The following CDK14 variants were observed in gnomAD, a reference collection of about 807,000 sequenced individuals.
CDK14 encodes cyclin-dependent kinase 14.
Under a neutral mutation model 60.7 loss-of-function variants are expected in CDK14, and 34 were observed. The ratio of observed to expected loss-of-function variants is 0.56; its 90% CI spans 0.43 to 0.75. The LOEUF (loss-of-function observed/expected upper bound fraction) is 0.75, where lower values mean the gene tolerates loss of function less well. Ranked by LOEUF, CDK14 falls within the 30% of genes least tolerant of loss-of-function variation. CDK14 has a pLI of 0.00. For missense variants in CDK14, 482 were observed against 564.1 expected, an observed-to-expected ratio of 0.85 and a Z score of 1.47; for synonymous variants, 197 against 203.7, an observed-to-expected ratio of 0.97 and a Z score of 0.28.
intron 8 of CDK14, among the ~76,000 whole-genome samples, chr7:90,918,804 C>G (rs1251148532): frequency 6.6e-6 from 1 of 152,156 alleles, no homozygotes; most frequent in Non-Finnish European, 1.5e-5. Flanking sequence ...GGTTAGTAGA[C>G]TGTTGAATAC....
At chr7:90,648,343 GT>G (rs950330310) in intron 2 of CDK14, among the ~76,000 whole-genome samples, 2 of 152,096 alleles carry the variant, frequency 1.3e-5, no homozygotes, top group Non-Finnish European at 2.9e-5. Flanking sequence ...GGTGGCTGGT[GT>G]TTTCTAGAGT....
intron 12 of CDK14, among the ~76,000 whole-genome samples, chr7:91,082,156 C>G (rs1359977486): frequency 6.6e-6 from 1 of 152,142 alleles, no homozygotes; most frequent in Non-Finnish European, 1.5e-5. Flanking sequence ...AGAATTTTAG[C>G]CACTTAAAAG....
chr7:90,673,614 C>G (rs1801142200), intron 2 of CDK14, among the ~76,000 whole-genome samples: 1 of 152,172 alleles, frequency 6.6e-6, no homozygotes, highest in African/African-American at 2.4e-5. Context: ...ATAGATGGTG[C>G]TTGTTAACAG....
chr7:90,857,303 C>T (rs1323084678), intron 5 of CDK14, among the ~76,000 whole-genome samples: 2 of 152,070 alleles, frequency 1.3e-5, no homozygotes, highest in African/African-American at 4.8e-5. Context: ...AGTATGGCTG[C>T]GAATATGAAT....
chr7:90,964,907 A>G (rs1185994953), intron 9 of CDK14, among the ~76,000 whole-genome samples: 1 of 152,178 alleles, frequency 6.6e-6, no homozygotes, highest in Non-Finnish European at 1.5e-5. Flanking sequence ...CCTGGACTTA[A>G]TAACTGTCTG....
At chr7:91,048,931 G>C (rs1271930567) in intron 11 of CDK14, among the ~76,000 whole-genome samples, 2 of 152,124 alleles carry the variant, frequency 1.3e-5, no homozygotes, top group Non-Finnish European at 2.9e-5. Flanking sequence ...TGGGACTGCA[G>C]TGGTGCGATT....
chr7:90,662,505 T>C (rs1235250066), intron 2 of CDK14, among the ~76,000 whole-genome samples: 1 of 152,244 alleles, frequency 6.6e-6, no homozygotes, highest in East Asian at 1.9e-4. Flanking sequence ...ATTGGCATGA[T>C]AGTGGAATAA....
chr7:91,112,810 A>T, intron 13 of CDK14, 129 bp downstream of exon 13: 2 of 889,176 alleles, frequency 2.2e-6, no homozygotes, highest in Non-Finnish European at 1.7e-6. Context: ...GTATGTTTGT[A>T]TGTGCATTAC....
intron 2 of CDK14, among the ~76,000 whole-genome samples, chr7:90,698,952 G>C (rs1455865832): frequency 6.6e-6 from 1 of 152,212 alleles, no homozygotes; most frequent in Non-Finnish European, 1.5e-5. Context: ...TCCACAGAGA[G>C]AGAAGAGACT....
At chr7:90,697,138 G>A (rs532318410) in intron 2 of CDK14, among the ~76,000 whole-genome samples, 5 of 152,224 alleles carry the variant, frequency 3.3e-5, no homozygotes, top group South Asian at 4.2e-4. Context: ...ATATGAAGAG[G>A]AACAGAGAAA....
chr7:90,610,824 A>AC (rs1413029615), intron 2 of CDK14, among the ~76,000 whole-genome samples: 2 of 152,210 alleles, frequency 1.3e-5, no homozygotes, highest in African/African-American at 4.8e-5. Flanking sequence ...TTACATCTGT[A>AC]CGACCCCCTT....
At chr7:91,119,614 A>G (rs538829313) in intron 14 of CDK14, among the ~76,000 whole-genome samples, 1 of 152,338 alleles carries the variant, frequency 6.6e-6, no homozygotes, top group East Asian at 1.9e-4. Context: ...TAGCATGGTA[A>G]AGAGAGCAAA....
At chr7:90,834,517 T>C (rs1206725116) in intron 5 of CDK14, among the ~76,000 whole-genome samples, 1 of 152,044 alleles carries the variant, frequency 6.6e-6, no homozygotes, top group Non-Finnish European at 1.5e-5. Context: ...TGGGAAGAAA[T>C]TGGAGGTTTT....
chr7:90,678,379 AC>A (rs1801243486), intron 2 of CDK14, among the ~76,000 whole-genome samples: 1 of 152,084 alleles, frequency 6.6e-6, no homozygotes, highest in South Asian at 2.1e-4. Flanking sequence ...GAGAGAATAA[AC>A]CTGACCCAAA....
intron 4 of CDK14, among the ~76,000 whole-genome samples, chr7:90,756,518 T>C (rs1804065600): frequency 6.6e-6 from 1 of 152,238 alleles, no homozygotes; most frequent in Non-Finnish European, 1.5e-5. Context: ...TCAAGCCTCC[T>C]GGTCACATGT....
chr7:90,630,544 A>G (rs1036212103), intron 2 of CDK14, among the ~76,000 whole-genome samples: 3 of 152,256 alleles, frequency 2.0e-5, no homozygotes, highest in Admixed American at 1.3e-4. Context: ...GAGTACTTCA[A>G]AAGTTGTACT....
chr7:90,930,859 TA>T (rs927811212), intron 8 of CDK14, among the ~76,000 whole-genome samples: 1 of 152,200 alleles, frequency 6.6e-6, no homozygotes, highest in African/African-American at 2.4e-5. Flanking sequence ...TTTGTGCTTG[TA>T]ATATTAGCTT....
At chr7:90,629,084 T>TA (rs1799937561) in intron 2 of CDK14, among the ~76,000 whole-genome samples, 1 of 152,038 alleles carries the variant, frequency 6.6e-6, no homozygotes. Context: ...TTTATATATA[T>TA]TTTTTTAAAT....
chr7:90,914,496 C>T (rs1033446054), intron 7 of CDK14, among the ~76,000 whole-genome samples: 1 of 152,190 alleles, frequency 6.6e-6, no homozygotes, highest in Non-Finnish European at 1.5e-5. Context: ...TCTTGCATAA[C>T]AGCACCTAGC....
Sources: allele counts gnomAD v4.1 joint callset (sites outside exome capture counted in the v4.1 genomes callset), GRCh38; gene constraint gnomAD v4.1.1; transcripts MANE v1.5; gene names NCBI Gene and HGNC (gene_info 2026-07-23, HGNC 2026-07-21).